The following GRIN2A variants were observed in gnomAD, a reference collection of about 807,000 sequenced individuals.
GRIN2A encodes glutamate receptor ionotropic, NMDA 2A.
GRIN2A carries 22 observed loss-of-function variants against 113.4 expected under a neutral mutation model. The observed-to-expected ratio is 0.19, with a 90% confidence interval of 0.14 to 0.28. The LOEUF (loss-of-function observed/expected upper bound fraction) is 0.28, where lower values mean the gene tolerates loss of function less well. Ranked by LOEUF, GRIN2A falls within the 10% of genes least tolerant of loss-of-function variation. GRIN2A has a pLI of 1.00. For synonymous variants in GRIN2A, 827 were observed against 738.4 expected (o/e 1.12, Z -1.94); for missense variants, 1,502 against 1,887.0 (o/e 0.80, Z 3.78).
intron 2 of GRIN2A, among the ~76,000 whole-genome samples, chr16:10,156,585 G>T (rs892468179): frequency 1.3e-5 from 2 of 152,148 alleles, no homozygotes; most frequent in African/African-American, 4.8e-5. Flanking sequence ...TAAATTCACA[G>T]TCATGTGGGG....
In GRIN2A at chr16:10,180,186, G is replaced by C; in HGVS notation, c.226C>G (p.Arg76Gly). 1 of 1,614,184 alleles carries C rather than the reference G, an allele frequency of 6.2e-7. No homozygotes were observed. Residue 76 changes from arginine to glycine, a missense_variant, in exon 2 of 13, where the codon CGC (arginine) becomes GGC (glycine). By Grantham distance (125) the Arg-to-Gly change is moderately radical. Transcript: ENST00000330684. This position sits in a 1 kb window ranked among gnomAD's most constrained non-coding sequence, Gnocchi z 7.0. ...DVNVVALLMN[R>G]TDPKSLITHV... ...GTGATGAGGCTCTTGGGGTCGGTGC[G>C]GTTCATCAGCAGAGCTACCACGTTC...
chr16:9,962,684 C>G (rs949107765), intron 2 of GRIN2A, among the ~76,000 whole-genome samples: 1 of 152,078 alleles, frequency 6.6e-6, no homozygotes, highest in Non-Finnish European at 1.5e-5. Flanking sequence ...ACTAGTTCAA[C>G]CATTGTGGAA....
At chr16:10,093,384 C>T (rs1596497595) in intron 2 of GRIN2A, among the ~76,000 whole-genome samples, 1 of 152,286 alleles carries the variant, frequency 6.6e-6, no homozygotes, top group East Asian at 1.9e-4. Context: ...CATCAGGCCT[C>T]CCCATCTTAC....
intron 2 of GRIN2A, among the ~76,000 whole-genome samples, chr16:9,952,767 T>C (rs115346453): frequency 6.6e-6 from 1 of 151,922 alleles, no homozygotes; most frequent in African/African-American, 2.4e-5. Flanking sequence ...AATGCTTATA[T>C]CTGTGGGATT....
At chr16:10,039,779 G>GGGAGAGGGAGA (rs2047109788) in intron 2 of GRIN2A, among the ~76,000 whole-genome samples, 1 of 103,300 alleles carries the variant, frequency 9.7e-6, no homozygotes, top group Non-Finnish European at 2.0e-5. Context: ...GGAGAGGGAG[G>GGGAGAGGGAGA]GGGAGGGGGA....
chr16:9,950,570 T>G (rs1441211262), intron 2 of GRIN2A, among the ~76,000 whole-genome samples: 1 of 152,174 alleles, frequency 6.6e-6, no homozygotes, highest in African/African-American at 2.4e-5. Context: ...ACAACTTGAA[T>G]AGGCTACAAT....
chr16:10,122,098 TG>T (rs2048847739), intron 2 of GRIN2A, among the ~76,000 whole-genome samples: 1 of 152,220 alleles, frequency 6.6e-6, no homozygotes, highest in Non-Finnish European at 1.5e-5. Context: ...CACTACCAGC[TG>T]TGAAACTGGT....
chr16:9,894,403 G>T (rs555945929), intron 3 of GRIN2A, among the ~76,000 whole-genome samples: 1 of 152,310 alleles, frequency 6.6e-6, no homozygotes, highest in Admixed American at 6.5e-5. Context: ...GAGGGGACTT[G>T]AACATTTTTG....
intron 3 of GRIN2A, among the ~76,000 whole-genome samples, chr16:9,901,347 A>G (rs2141517535): frequency 6.6e-6 from 1 of 152,324 alleles, no homozygotes; most frequent in East Asian, 1.9e-4. Context: ...GGTAACTCAA[A>G]GGCAGAGAGG....
At chr16:9,937,836 T>C in intron 3 of GRIN2A, 123 bp downstream of exon 3, 3 of 729,952 alleles carry the variant, frequency 4.1e-6, no homozygotes, top group Non-Finnish European at 7.3e-6. Flanking sequence ...AAAAGTCCCG[T>C]AAGTAAACAC....
intron 2 of GRIN2A, among the ~76,000 whole-genome samples, chr16:10,070,041 C>G (rs2047720725): frequency 6.6e-6 from 1 of 152,170 alleles, no homozygotes; most frequent in Admixed American, 6.5e-5. Context: ...GACAATGTTC[C>G]CCACTCCAGC....
chr16:9,820,015 G>C (rs1447518249), intron 10 of GRIN2A, among the ~76,000 whole-genome samples: 1 of 151,690 alleles, frequency 6.6e-6, no homozygotes, highest in Non-Finnish European at 1.5e-5. Flanking sequence ...CCCCACATGG[G>C]AGATTGAGTA....
rs150486008 is a variant in GRIN2A, at chr16:9,983,730, C to T, written c.415-45179G>A. On this transcript the variant is annotated intron_variant, in intron 2 of 12. Coordinates refer to ENST00000330684, the MANE Select transcript of GRIN2A (RefSeq NM_001134407.3). ...CTGGGATTACAGGTGTGAGCCACCGCGCCCAGCCAAGATGTTGTTATTTTA... is the reference window on the plus strand; with the variant it reads ...CTGGGATTACAGGTGTGAGCCACCGTGCCCAGCCAAGATGTTGTTATTTTA... 3.7e-3 allele frequency among the ~76,000 whole-genome samples: 563 copies of T among 152,258 alleles called. 3 individuals are homozygous for T. Among genetic ancestry groups the T allele is most frequent in the Middle Eastern group, 0.031 (9 of 294 alleles).
At chr16:9,953,174 GAGAGGTTCA>G (rs542435633) in intron 2 of GRIN2A, among the ~76,000 whole-genome samples, 8 of 152,316 alleles carry the variant, frequency 5.3e-5, no homozygotes, top group African/African-American at 1.9e-4. Flanking sequence ...ATACACAAAA[GAGAGGTTCA>G]AGAGATGTTT....
chr16:9,870,971 G>A (rs923955103), intron 4 of GRIN2A, among the ~76,000 whole-genome samples: 1 of 152,088 alleles, frequency 6.6e-6, no homozygotes, highest in African/African-American at 2.4e-5. Context: ...CTATTCTCAT[G>A]TCTCTTTTCC....
chr16:9,949,078 G>T (rs1387822117), intron 2 of GRIN2A, among the ~76,000 whole-genome samples: 1 of 152,178 alleles, frequency 6.6e-6, no homozygotes, highest in Non-Finnish European at 1.5e-5. Flanking sequence ...ATAGGAAACA[G>T]CTGCCGCCTC....
chr16:9,766,647 C>A (rs1395452858), intron 12 of GRIN2A, among the ~76,000 whole-genome samples: 1 of 152,182 alleles, frequency 6.6e-6, no homozygotes, highest in Non-Finnish European at 1.5e-5. Flanking sequence ...GCTGGAGCAT[C>A]CAGACTGTGG....
chr16:9,866,205 A>G (rs757102414), intron 4 of GRIN2A, among the ~76,000 whole-genome samples: 7 of 152,204 alleles, frequency 4.6e-5, no homozygotes, highest in Admixed American at 2.0e-4. Context: ...CAAAGGGTGA[A>G]AGGTGCAAGA....
intron 2 of GRIN2A, among the ~76,000 whole-genome samples, chr16:10,074,314 C>A (rs188008095): frequency 6.6e-6 from 1 of 152,256 alleles, no homozygotes; most frequent in African/African-American, 2.4e-5. Context: ...GAAAACAGTA[C>A]GACAGTTCTT....
Sources: allele counts gnomAD v4.1 joint callset (sites outside exome capture counted in the v4.1 genomes callset), GRCh38; gene constraint gnomAD v4.1.1; non-coding constraint Gnocchi (gnomAD v3.1); transcripts MANE v1.5; gene names NCBI Gene and HGNC (gene_info 2026-07-23, HGNC 2026-07-21).